ESF1: variants seen among roughly 807,000 people sequenced by gnomAD.
ESF1 encodes ESF1 nucleolar pre-rRNA processing protein, also known as ESF1 homolog.
In ESF1, 58 loss-of-function variants were observed where a neutral mutation model predicts 92.0. That is an observed-to-expected ratio of 0.63 (90% CI 0.51 to 0.78). ESF1 has a LOEUF of 0.78. Ranked by LOEUF, ESF1 falls within the 30% of genes least tolerant of loss-of-function variation. The pLI is 0.00. For missense variants in ESF1, 922 were observed against 989.1 expected (o/e 0.93, Z 0.91); for synonymous variants, 321 against 313.7 (o/e 1.02, Z -0.24).
chr20:13,784,331 C>A (rs1342647956), intron 1 of ESF1, among the ~76,000 whole-genome samples: 2 of 139,868 alleles, frequency 1.4e-5, no homozygotes, highest in Non-Finnish European at 3.1e-5. Context: ...ATTTAAAAAT[C>A]AAGTCCTTTT....
At chr20:13,731,783 T>C (rs1297485855) in intron 10 of ESF1, among the ~76,000 whole-genome samples, 1 of 152,184 alleles carries the variant, frequency 6.6e-6, no homozygotes, top group African/African-American at 2.4e-5. Context: ...TCTTAAGACC[T>C]TCCCCAGAGA....
intron 9 of ESF1, among the ~76,000 whole-genome samples, chr20:13,756,321 C>T (rs961223321): frequency 1.3e-5 from 2 of 152,142 alleles, no homozygotes; most frequent in African/African-American, 4.8e-5. Context: ...CATTAGGGGC[C>T]TTCAAAATAT....
chr20:13,730,477 G>A (rs973075059), intron 10 of ESF1, among the ~76,000 whole-genome samples: 4 of 148,124 alleles, frequency 2.7e-5, no homozygotes, highest in African/African-American at 7.5e-5. Context: ...TCCACCTCCC[G>A]GATTCATGCC....
intron 1 of ESF1, among the ~76,000 whole-genome samples, chr20:13,783,925 G>C (rs959608753): frequency 6.6e-6 from 1 of 152,206 alleles, no homozygotes; most frequent in African/African-American, 2.4e-5. Context: ...CCAACAAACA[G>C]CCTTTAGTTC....
chr20:13,781,651 A>G (rs1035441500), intron 2 of ESF1, among the ~76,000 whole-genome samples: 1 of 152,180 alleles, frequency 6.6e-6, no homozygotes, highest in Non-Finnish European at 1.5e-5. Flanking sequence ...TCTCTTCACC[A>G]AAGTGTGACC....
chr20:13,763,666 T>G (rs1478128459), intron 8 of ESF1, among the ~76,000 whole-genome samples: 1 of 152,060 alleles, frequency 6.6e-6, no homozygotes, highest in African/African-American at 2.4e-5. Context: ...AGAGGAAAAT[T>G]GAAAAAAGGA....
chr20:13,751,718 A>G (rs1228798059), intron 9 of ESF1, among the ~76,000 whole-genome samples: 1 of 152,222 alleles, frequency 6.6e-6, no homozygotes, highest in African/African-American at 2.4e-5. Context: ...TTAAAAATTA[A>G]ATCGGCTGGG....
At chr20:13,757,523 C>T (rs935268734) in intron 9 of ESF1, among the ~76,000 whole-genome samples, 1 of 152,156 alleles carries the variant, frequency 6.6e-6, no homozygotes, top group Admixed American at 6.5e-5. Flanking sequence ...CTCAGCCTCC[C>T]CAGTAGCTGG....
chr20:13,755,518 G>C (rs747590844), intron 9 of ESF1, among the ~76,000 whole-genome samples: 8 of 152,084 alleles, frequency 5.3e-5, no homozygotes, highest in Non-Finnish European at 1.2e-4. Context: ...GGCCCAACTG[G>C]CTAATTATAT....
rs541097348 is a variant in ESF1, at chr20:13,755,125, T to C, written c.1828+4567A>G. The stretch of plus-strand genomic sequence containing the variant: ...GGATTTTTATGTTTTGTTCACACAG[T>C]GTATAGAATAATTCCCGGCACAGAG... On this transcript the variant is annotated intron_variant, in intron 9 of 13. Transcript: ENST00000617257. 5.3e-5 allele frequency among the ~76,000 whole-genome samples: 8 copies of C among 152,312 alleles called. No homozygotes were observed. The South Asian group carries it at 1.7e-3, about 32-fold the overall frequency.
intron 7 of ESF1, 32 bp from the exon 8 acceptor site, chr20:13,766,956 C>T (rs200747778): frequency 3.1e-4 from 492 of 1,595,560 alleles, no homozygotes; most frequent in Non-Finnish European, 3.9e-4. Context: ...AAATAACACA[C>T]GAAAATGGAA....
At chr20:13,782,126 C>A (rs1482338824) in intron 2 of ESF1, among the ~76,000 whole-genome samples, 5 of 152,188 alleles carry the variant, frequency 3.3e-5, no homozygotes, top group Admixed American at 3.3e-4. Flanking sequence ...GATCTGCCCG[C>A]CTTGGCCTGC....
intron 9 of ESF1, among the ~76,000 whole-genome samples, chr20:13,738,604 C>A (rs569403134): frequency 2.0e-5 from 3 of 152,296 alleles, no homozygotes; most frequent in Non-Finnish European, 4.4e-5. Context: ...CATGAGCCAC[C>A]GTGCCCAGCC....
chr20:13,719,057 C>A, intron 11 of ESF1, 73 bp from the exon 12 acceptor site: 6 of 965,754 alleles, frequency 6.2e-6, no homozygotes, highest in South Asian at 1.9e-5. Flanking sequence ...ATACTAGGAA[C>A]AAAAATATAA....
At chr20:13,715,315 T>G (rs2049817154) in intron 13 of ESF1, 148 bp from the exon 14 acceptor site, 3 of 744,272 alleles carry the variant, frequency 4.0e-6, no homozygotes, top group Non-Finnish European at 5.9e-6. Context: ...ATTAGGAAAC[T>G]GTTTTTCCAT....
chr20:13,750,906 C>T (rs1978602548), intron 9 of ESF1, among the ~76,000 whole-genome samples: 1 of 152,054 alleles, frequency 6.6e-6, no homozygotes, highest in South Asian at 2.1e-4. Context: ...CGCTTGAGCC[C>T]ATGAATGAGT....
At chr20:13,749,852 C>A (rs532623644) in intron 9 of ESF1, among the ~76,000 whole-genome samples, 1 of 152,272 alleles carries the variant, frequency 6.6e-6, no homozygotes, top group South Asian at 2.1e-4. Context: ...CAGGCATGAG[C>A]CACCATGCCC....
chr20:13,716,804 A>ATTTTTTTT lies in ESF1; in HGVS notation c.2262+556_2262+563dup, dbSNP rs71188180. Among the ~76,000 whole-genome samples the ATTTTTTTT allele has an allele frequency of 6.2e-3, 283 of 45,910 alleles. 31 individuals carry two copies. Among genetic ancestry groups the ATTTTTTTT allele is most frequent in the Admixed American group, 8.8e-3 (27 of 3,060 alleles). The allele number at this position is 45,910 out of a possible 152,430, so 30.1% of individuals were successfully genotyped here. The stretch of plus-strand genomic sequence containing the variant: ...TACAGGTGTGCGCCACTATACCTGG[A>ATTTTTTTT]TTTTTTTTTTTTTTTTTTTTTTTTT... On this transcript the variant is annotated intron_variant, in intron 13 of 13. Coordinates refer to ENST00000617257, the MANE Select transcript of ESF1 (RefSeq NM_001276380.2).
chr20:13,784,823 C>CA (rs1022111825), intron 1 of ESF1, 57 bp downstream of exon 1: 33 of 567,502 alleles, frequency 5.8e-5, no homozygotes, highest in African/African-American at 5.3e-4. Flanking sequence ...GCCACACACA[C>CA]ACACGCCCTC....
Sources: allele counts gnomAD v4.1 joint callset (sites outside exome capture counted in the v4.1 genomes callset), GRCh38; gene constraint gnomAD v4.1.1; transcripts MANE v1.5; gene names NCBI Gene and HGNC (gene_info 2026-07-23, HGNC 2026-07-21).